The following CROCC2 variants were observed in gnomAD, a reference collection of about 807,000 sequenced individuals.
CROCC2 encodes the protein ciliary rootlet coiled-coil, rootletin family member 2, also known as ciliary rootlet coiled-coil protein 2.
CROCC2 carries 163 observed loss-of-function variants against 177.6 expected under a neutral mutation model. The ratio of observed to expected loss-of-function variants is 0.92; its 90% CI spans 0.81 to 1.05. CROCC2 has a LOEUF of 1.05. Ranked by LOEUF, CROCC2 falls within the 50% of genes least tolerant of loss-of-function variation. The pLI, the probability that CROCC2 is intolerant of heterozygous loss-of-function variation, is 0.00. For synonymous variants in CROCC2, 904 were observed against 787.3 expected, an observed-to-expected ratio of 1.15 and a Z score of -2.48; for missense variants, 1,929 against 1,797.8, an observed-to-expected ratio of 1.07 and a Z score of -1.32.
At chr2:240,910,315 C>T (rs542640196) in intron 1 of CROCC2, among the ~76,000 whole-genome samples, 4 of 143,524 alleles carry the variant, frequency 2.8e-5, no homozygotes, top group East Asian at 2.0e-4. Flanking sequence ...CGCAGAGTCC[C>T]GGACGAGGAA....
rs900386639 is a variant in CROCC2 at position 240,954,729 on chromosome 2, C to T, written c.2830-1130C>T. On this transcript the variant is annotated intron_variant, in intron 18 of 31. Transcript: ENST00000690015. ...CTGCTGGGAGGTTGGGCTGACATCC[C>T]GTGGCTCAAAGCCCCAACCCTCTAA... The T allele has an allele frequency of 1.3e-5, 2 of 152,154 alleles. 1 individual carries two copies. The highest frequency in any genetic ancestry group is 4.1e-4 in the South Asian group (2 of 4,824). 9.4% of individuals were successfully genotyped at this position (152,154 alleles called of 1,614,324 possible).
rs984023126 is a variant in CROCC2 at position 240,933,201 on chromosome 2, G to A, written c.1322G>A (p.Arg441Gln). Reference sequence around the variant, plus strand: ...CTCCAGGAGCAGCTGTCCGAAAGCCGGCGGGAGCTGTGGGCCGCACAGAAG... The same window carrying A: ...CTCCAGGAGCAGCTGTCCGAAAGCCAGCGGGAGCTGTGGGCCGCACAGAAG... The part of the protein sequence containing the change: ...ASLQEQLSES[R>Q]RELWAAQKLQ... Residue 441 changes from arginine (R) to glutamine (Q), a missense_variant, in exon 10 of 32, where the codon CGG becomes CAG. Coordinates refer to ENST00000690015, the MANE Select transcript of CROCC2 (RefSeq NM_001351305.2). 3.5e-5 allele frequency: 54 copies of A among 1,549,566 alleles called. No homozygotes were observed. The highest frequency in any genetic ancestry group is 4.4e-5 in the Non-Finnish European group (51 of 1,146,646).
intron 1 of CROCC2, 110 bp downstream of exon 1, chr2:240,906,701 C>A: frequency 2.5e-6 from 1 of 398,034 alleles, no homozygotes; most frequent in South Asian, 1.3e-4. Context: ...TCCTGGCTCC[C>A]GGGGCACTTT....
intron 1 of CROCC2, among the ~76,000 whole-genome samples, chr2:240,911,875 G>A (rs1238016350): frequency 1.3e-5 from 2 of 152,168 alleles, no homozygotes; most frequent in Non-Finnish European, 2.9e-5. Context: ...ACCACACTCT[G>A]TTTATTCATT....
chr2:240,957,264 G>C (rs970280842), intron 19 of CROCC2: 6 of 152,422 alleles, frequency 3.9e-5, no homozygotes, highest in African/African-American at 1.4e-4. Context: ...AGCATGTTCA[G>C]TGACGAGGCC....
At chr2:240,935,323 GGAGTGGATGCAGA>G in intron 13 of CROCC2, 22 bp from the exon 14 acceptor site, 1 of 1,333,874 alleles carries the variant, frequency 7.5e-7, no homozygotes, top group Non-Finnish European at 9.7e-7. Flanking sequence ...GAGGATGGGG[GGAGTGGATGCAGA>G]GCCCCCGACA....
At chr2:240,926,726 G>A in intron 5 of CROCC2, among the ~76,000 whole-genome samples, 1 of 152,228 alleles carries the variant, frequency 6.6e-6, no homozygotes, top group East Asian at 1.9e-4. Flanking sequence ...CGAGGTCCCA[G>A]CCCCGAGCCC....
intron 20 of CROCC2, among the ~76,000 whole-genome samples, chr2:240,962,064 TCA>T (rs1451004731): frequency 9.2e-6 from 1 of 108,736 alleles, no homozygotes; most frequent in African/African-American, 4.3e-5. Context: ...ACACTCACAC[TCA>T]CACGCACTCA....
rs1299479772 is a variant in CROCC2 at position 240,972,540 on chromosome 2, G to A, written c.4401+4278G>A. ...CTCCCTCCAGCCCTCGCCCTTCTGA[G>A]TCAGGGTATGGGGACATGGGGGTCC... is the stretch of plus-strand genomic sequence containing the variant. On this transcript the variant is annotated intron_variant, in intron 27 of 31. Transcript: ENST00000690015. The surrounding 1 kb of genome is among the most constrained non-coding windows in gnomAD (Gnocchi z 7.1). Among the ~76,000 whole-genome samples the A allele has an allele frequency of 6.6e-6, 1 of 152,026 alleles. No homozygotes were observed. The highest frequency in any genetic ancestry group is 2.4e-5 in the African/African-American group (1 of 41,372).
intron 14 of CROCC2, among the ~76,000 whole-genome samples, chr2:240,942,177 T>C (rs2059498726): frequency 6.6e-6 from 1 of 152,232 alleles, no homozygotes; most frequent in Admixed American, 6.5e-5. Context: ...TACTAAGACA[T>C]CTCTTCCATA....
At chr2:240,961,290 G>A (rs562560295) in intron 20 of CROCC2, among the ~76,000 whole-genome samples, 6 of 151,940 alleles carry the variant, frequency 3.9e-5, no homozygotes, top group African/African-American at 7.3e-5. Flanking sequence ...GTGTACACTT[G>A]ACACTCAGAG....
At chr2:240,950,626 CCCATCCAT>C (rs376043569) in intron 18 of CROCC2, 116 bp downstream of exon 18, 1 of 1,009,274 alleles carries the variant, frequency 9.9e-7, no homozygotes, top group Non-Finnish European at 1.4e-6. Flanking sequence ...CGCCTACCCA[CCCATCCAT>C]CCATCCATCC....
intron 27 of CROCC2, among the ~76,000 whole-genome samples, chr2:240,968,844 C>T (rs903890648): frequency 2.8e-4 from 42 of 152,266 alleles, no homozygotes; most frequent in South Asian, 2.1e-4. Flanking sequence ...AACGGCCAGG[C>T]AGTGGTGGAT....
chr2:240,931,475 CAT>C (rs1346646260), intron 7 of CROCC2, among the ~76,000 whole-genome samples: 1 of 152,284 alleles, frequency 6.6e-6, no homozygotes, highest in Middle Eastern at 3.4e-3. Context: ...TTAGGTAAAT[CAT>C]ATAAAAACCG....
At position 240,922,136 on chromosome 2, in the gene CROCC2, G is replaced by A. The variant is rs902533763; in HGVS notation, c.382-403G>A. On this transcript the variant is annotated intron_variant, in intron 3 of 31. Coordinates refer to ENST00000690015, the MANE Select transcript of CROCC2 (RefSeq NM_001351305.2). ...CTGAAGCCCCTCCCCCTACACTGAC[G>A]GCTGGGCTGCCCAGGTAGCTGGGGC... Among the ~76,000 whole-genome samples the A allele has an allele frequency of 4.6e-5, 7 of 152,206 alleles. No individual in the cohort carries two copies. In the South Asian group the frequency reaches 1.0e-3, roughly 22 times the overall value.
At chr2:240,989,372 C>T (rs766659541) in intron 29 of CROCC2, among the ~76,000 whole-genome samples, 40 of 152,316 alleles carry the variant, frequency 2.6e-4, no homozygotes, top group Middle Eastern at 6.8e-3. Context: ...TCCGGACACC[C>T]AGCCCAGCCA....
At chr2:240,977,096 G>T (rs4355102) in intron 27 of CROCC2, among the ~76,000 whole-genome samples, 52 of 32,932 alleles carry the variant, frequency 1.6e-3, no homozygotes, top group African/African-American at 3.2e-3. Context: ...CCCTGCTCAG[G>T]CTCTGGGGTA....
In CROCC2 at chr2:240,918,849, G is replaced by A. The variant is rs201526845; in HGVS notation, c.202G>A (p.Gly68Ser). 18 of 660,296 alleles carry A rather than the reference G, an allele frequency of 2.7e-5. No homozygotes were observed. In the East Asian group the frequency reaches 3.2e-4, roughly 12 times the overall value. 40.9% of individuals were successfully genotyped at this position (660,296 alleles called of 1,614,324 possible). ...CACCCGCATCCGTGAGATCGTGGCC[G>A]GCAGCCTGAGTGAGGAGCCACCCCA... ...VPTRIREIVAGSLSEEPPQAG... is the reference protein window; with the variant it reads ...VPTRIREIVASSLSEEPPQAG... Residue 68 changes from glycine (G) to serine (S), a missense_variant, in exon 2 of 32, where the codon GGC (glycine) becomes AGC (serine). Gly to Ser is a moderately conservative substitution (Grantham distance 56, BLOSUM62 0). This residue lies in a region of CROCC2 where 1,397 missense variants were observed against 1,239.9 expected (regional missense o/e 1.13). Coordinates refer to ENST00000690015, the MANE Select transcript of CROCC2 (RefSeq NM_001351305.2). The surrounding 1 kb of genome is among the most constrained non-coding windows in gnomAD (Gnocchi z 6.3).
intron 22 of CROCC2, 49 bp downstream of exon 22, chr2:240,964,674 G>A (rs753717073): frequency 5.2e-6 from 8 of 1,527,114 alleles, no homozygotes; most frequent in South Asian, 2.5e-5. Flanking sequence ...CCTCCCGCCT[G>A]GTGGGTCCCG....
Sources: allele counts gnomAD v4.1 joint callset (sites outside exome capture counted in the v4.1 genomes callset), GRCh38; gene constraint gnomAD v4.1.1; regional missense constraint gnomAD v4.1.1; non-coding constraint Gnocchi (gnomAD v3.1); transcripts MANE v1.5; gene names NCBI Gene and HGNC (gene_info 2026-07-23, HGNC 2026-07-21).